The following ZMYM1 variants were observed in gnomAD, a reference collection of about 807,000 sequenced individuals.
ZMYM1 encodes zinc finger MYM-type protein 1.
In ZMYM1, 39 loss-of-function variants were observed where a neutral mutation model predicts 60.0. The ratio of observed to expected loss-of-function variants is 0.65; its 90% CI spans 0.50 to 0.85. The LOEUF is 0.85. Among genes scored for constraint, ZMYM1 ranks in the 40% least tolerant of loss-of-function variants. The pLI is 0.00. For missense variants in ZMYM1, 1,171 were observed against 1,309.5 expected, an observed-to-expected ratio of 0.89 and a Z score of 1.63; for synonymous variants, 413 against 454.0, an observed-to-expected ratio of 0.91 and a Z score of 1.15.
At position 35,103,501 on chromosome 1, in the gene ZMYM1, C is replaced by G. The variant is rs557017609; in HGVS notation, c.420-794C>G. 2.4e-4 allele frequency among the ~76,000 whole-genome samples: 37 copies of G among 152,294 alleles called. No individual in the cohort carries two copies. The South Asian group carries it at 6.6e-3, about 27-fold the overall frequency. ...GTACTTTATTCTTTTTGTTAATAGG[C>G]GAATAATATTCCACTGTATGTATGT... is the stretch of plus-strand genomic sequence containing the variant. On this transcript the variant is annotated intron_variant, in intron 4 of 9. Transcript: ENST00000359858.
chr1:35,100,749 G>A (rs184064555), intron 4 of ZMYM1, among the ~76,000 whole-genome samples: 3 of 151,740 alleles, frequency 2.0e-5, no homozygotes, highest in Non-Finnish European at 4.4e-5. Flanking sequence ...TCCAAAATAG[G>A]CCCCTGCACT....
At chr1:35,095,731 C>T in intron 2 of ZMYM1, 88 bp from the exon 3 acceptor site, 1 of 1,147,404 alleles carries the variant, frequency 8.7e-7, no homozygotes, top group Non-Finnish European at 1.2e-6. Flanking sequence ...CAGACTTGAC[C>T]ACAATTTATC....
rs139142612 is a variant in ZMYM1 at position 35,085,342 on chromosome 1, C to T, written c.-75+5900C>T. Among the ~76,000 whole-genome samples, 16 of 152,292 alleles carry T rather than the reference C, an allele frequency of 1.1e-4. No individual in the cohort carries two copies. In the East Asian group the frequency reaches 1.7e-3, roughly 17 times the overall value. On this transcript the variant is annotated intron_variant, in intron 1 of 9. Coordinates refer to ENST00000359858, the MANE Select transcript of ZMYM1 (RefSeq NM_024772.5). ...GATTACAGGCGTGAGCCACCGCGCC[C>T]GGCCCCCATATTATTTTTACTTCAT...
Position 35,110,415 on chromosome 1 carries a change from C to T in ZMYM1, c.929C>T (p.Ala310Val). ...TTCTGCTCTATTAATTGTTTCTCTG[C>T]ATACAGTAAAGCTAAGATGGAATCT... ...ELFCSINCFS[A>V]YSKAKMESSS... Residue 310 changes from alanine (A) to valine (V), a missense_variant, in exon 7 of 10, where the codon GCA (alanine) becomes GTA (valine). Coordinates refer to ENST00000359858, the MANE Select transcript of ZMYM1 (RefSeq NM_024772.5). The T allele has an allele frequency of 6.4e-7, 1 of 1,563,204 alleles. No homozygotes were observed. Among genetic ancestry groups the T allele is most frequent in the African/African-American group, 1.4e-5 (1 of 72,288 alleles).
intron 3 of ZMYM1, among the ~76,000 whole-genome samples, chr1:35,097,113 C>G (rs1032639305): frequency 6.6e-6 from 1 of 152,012 alleles, no homozygotes; most frequent in Non-Finnish European, 1.5e-5. Context: ...CGTGAGCCAC[C>G]GCACCAGGTG....
Position 35,111,442 on chromosome 1 carries a change from T to G in ZMYM1, c.962-330T>G, listed in dbSNP as rs113176948. The stretch of plus-strand genomic sequence containing the variant: ...TTTGAAATAGATGCCCATTAGGAGA[T>G]TCAATCAGAATCTCTTTTCTTCATG... On this transcript the variant is annotated intron_variant, in intron 7 of 9. Coordinates refer to ENST00000359858, the MANE Select transcript of ZMYM1 (RefSeq NM_024772.5). 9.8e-3 allele frequency among the ~76,000 whole-genome samples: 1,490 copies of G among 152,320 alleles called. 24 individuals are homozygous for G. The highest frequency in any genetic ancestry group is 0.034 in the African/African-American group (1,423 of 41,566).
At chr1:35,112,021 T>C in intron 8 of ZMYM1, 66 bp from the exon 9 acceptor site, 2 of 1,562,746 alleles carry the variant, frequency 1.3e-6, no homozygotes, top group Admixed American at 1.9e-5. Context: ...TAAGCAAATA[T>C]AGTTTATGAT....
chr1:35,098,847 C>G (rs1281285421), intron 4 of ZMYM1, among the ~76,000 whole-genome samples: 1 of 151,032 alleles, frequency 6.6e-6, no homozygotes, highest in East Asian at 1.9e-4. Context: ...GCTAAAGTTG[C>G]AGTAAGCTGA....
rs756118272 is a variant in ZMYM1 at position 35,112,142 on chromosome 1, C to CT, written c.1146+19dup. The CT allele has an allele frequency of 8.1e-6, 13 of 1,612,136 alleles. No homozygotes were observed. The highest frequency in any genetic ancestry group is 8.0e-5 in the African/African-American group (6 of 74,766). Reference sequence around the variant, plus strand: ...ATGTCATTGTGGATGTAAGTTTTAACTTTTTTTACCACTGTCTTTTTTTAA... The same window carrying CT: ...ATGTCATTGTGGATGTAAGTTTTAACTTTTTTTTACCACTGTCTTTTTTTAA... On this transcript the variant is annotated intron_variant, in intron 9 of 9. Transcript: ENST00000359858.
intron 6 of ZMYM1, among the ~76,000 whole-genome samples, chr1:35,104,982 C>G (rs761906443): frequency 1.3e-5 from 2 of 152,156 alleles, no homozygotes; most frequent in African/African-American, 2.4e-5. Context: ...TCGATTATCT[C>G]ACCTTAAAGA....
intron 4 of ZMYM1, among the ~76,000 whole-genome samples, chr1:35,103,959 A>G (rs1172620800): frequency 6.6e-6 from 1 of 152,156 alleles, no homozygotes; most frequent in Non-Finnish European, 1.5e-5. Flanking sequence ...AAAGTCAGGC[A>G]TGGTGGGATT....
intron 1 of ZMYM1, among the ~76,000 whole-genome samples, chr1:35,088,303 A>G (rs532715940): frequency 6.6e-6 from 1 of 151,454 alleles, no homozygotes; most frequent in East Asian, 1.9e-4. Flanking sequence ...CTGTAATCCC[A>G]GCTACACAGG....
At chr1:35,093,016 T>G (rs1375831737) in intron 1 of ZMYM1, among the ~76,000 whole-genome samples, 1 of 152,126 alleles carries the variant, frequency 6.6e-6, no homozygotes, top group Non-Finnish European at 1.5e-5. Flanking sequence ...ACACAAACAT[T>G]TTAGAAGCAG....
chr1:35,112,836 G>T, intron 9 of ZMYM1, 141 bp from the exon 10 acceptor site: 1 of 656,096 alleles, frequency 1.5e-6, no homozygotes, highest in East Asian at 3.3e-5. Context: ...TAAGTTATAC[G>T]TAATTGTTAA....
At chr1:35,095,704 T>C in intron 2 of ZMYM1, 115 bp from the exon 3 acceptor site, 1 of 846,516 alleles carries the variant, frequency 1.2e-6, no homozygotes, top group South Asian at 1.7e-5. Context: ...TTCAATTCAG[T>C]TATACAATTC....
intron 9 of ZMYM1, 95 bp downstream of exon 9, chr1:35,112,225 T>C (rs937582196): frequency 4.7e-5 from 59 of 1,253,066 alleles, no homozygotes; most frequent in Non-Finnish European, 6.6e-5. Flanking sequence ...CCACCCAAGC[T>C]GGAGTGCAGT....
intron 9 of ZMYM1, 104 bp from the exon 10 acceptor site, chr1:35,112,873 G>A (rs1557714475): frequency 7.4e-6 from 8 of 1,080,668 alleles, no homozygotes; most frequent in Non-Finnish European, 8.6e-6. Flanking sequence ...AGCTCATACT[G>A]TAACTCAGCC....
chr1:35,095,768 T>TA (rs1344165265), intron 2 of ZMYM1, 51 bp from the exon 3 acceptor site: 1 of 1,395,988 alleles, frequency 7.2e-7, no homozygotes, highest in Admixed American at 2.1e-5. Context: ...CTGGTTGTCT[T>TA]AAATTCATTG....
In ZMYM1 at chr1:35,113,942, T is replaced by TG; in HGVS notation, c.2114dup (p.Val706SerfsTer2). On this transcript the variant is annotated frameshift_variant, in exon 10 of 10. Transcript: ENST00000359858. LOFTEE classifies it low-confidence loss of function (END_TRUNC). ...CTATCAAAACTTATCTGCAGCAAAT[T>TG]GGAGTTGATATGGATAAAATACATG... 1 of 1,613,896 alleles carries TG rather than the reference T, an allele frequency of 6.2e-7. No homozygotes were observed. The highest frequency in any genetic ancestry group is 8.5e-7 in the Non-Finnish European group (1 of 1,179,892).
Sources: allele counts gnomAD v4.1 joint callset (sites outside exome capture counted in the v4.1 genomes callset), GRCh38; gene constraint gnomAD v4.1.1; transcripts MANE v1.5; gene names NCBI Gene and HGNC (gene_info 2026-07-23, HGNC 2026-07-21).